NFATC1: variants seen among roughly 807,000 people sequenced by gnomAD.
NFATC1 encodes the protein nuclear factor of activated T-cells, cytoplasmic 1.
In NFATC1, 22 loss-of-function variants were observed where a neutral mutation model predicts 76.0. The ratio of observed to expected loss-of-function variants is 0.29; its 90% CI spans 0.21 to 0.41. The LOEUF (loss-of-function observed/expected upper bound fraction) is 0.41, where lower values mean the gene tolerates loss of function less well. Ranked by LOEUF, NFATC1 falls within the 10% of genes least tolerant of loss-of-function variation. NFATC1 has a pLI of 1.00. For synonymous variants in NFATC1, 704 were observed against 613.1 expected, an observed-to-expected ratio of 1.15 and a Z score of -2.19; for missense variants, 1,357 against 1,337.7, an observed-to-expected ratio of 1.01 and a Z score of -0.23.
At chr18:79,397,034 T>C (rs1304410480) in intron 1 of NFATC1, among the ~76,000 whole-genome samples, 3 of 152,154 alleles carry the variant, frequency 2.0e-5, no homozygotes, top group African/African-American at 7.2e-5. Context: ...GCTGCTTCTT[T>C]ATAGTGAAAA....
rs117391022 is a variant in NFATC1, at chr18:79,425,133, C to G, written c.1227-8446C>G. On this transcript the variant is annotated intron_variant, in intron 2 of 9. Coordinates refer to ENST00000427363, the MANE Select transcript of NFATC1 (RefSeq NM_001278669.2). The stretch of plus-strand genomic sequence containing the variant: ...TCTCTGTCGCTCTGTCTCTCTCTGT[C>G]TCTGCCTCTCTGTGTCTCTCTCCGT... Among the ~76,000 whole-genome samples, 565 of 151,538 alleles carry G rather than the reference C, an allele frequency of 3.7e-3. 7 individuals are homozygous for G. Among genetic ancestry groups the G allele is most frequent in the Middle Eastern group, 0.014 (4 of 288 alleles).
chr18:79,522,029 ATG>A (rs1420895060), intron 9 of NFATC1, among the ~76,000 whole-genome samples: 100 of 68,820 alleles, frequency 1.5e-3, no homozygotes, highest in Non-Finnish European at 2.1e-3. Flanking sequence ...GCGTCTGCTG[ATG>A]TGTGTGTTTT....
At chr18:79,409,720 C>T (rs1353194297) in intron 1 of NFATC1, among the ~76,000 whole-genome samples, 5 of 152,200 alleles carry the variant, frequency 3.3e-5, no homozygotes, top group Non-Finnish European at 7.3e-5. Flanking sequence ...ACCAACCATC[C>T]ATCCATTAAA....
At chr18:79,412,508 C>T (rs901979838) in intron 2 of NFATC1, among the ~76,000 whole-genome samples, 11 of 152,170 alleles carry the variant, frequency 7.2e-5, no homozygotes, top group Admixed American at 2.0e-4. Flanking sequence ...GGCGAGACCC[C>T]GCAGAGCGGA....
chr18:79,520,864 G>GA (rs2090527234), intron 9 of NFATC1, among the ~76,000 whole-genome samples: 1 of 105,078 alleles, frequency 9.5e-6, no homozygotes, highest in Non-Finnish European at 1.9e-5. Flanking sequence ...TATGTGTGGG[G>GA]GGGGCATCCA....
rs554074969 is a variant in NFATC1 at position 79,512,589 on chromosome 18, G to A, written c.2783-14939G>A. 1.4e-4 allele frequency among the ~76,000 whole-genome samples: 21 copies of A among 152,284 alleles called. 1 individual carries two copies. In the South Asian group the frequency reaches 3.7e-3, roughly 27 times the overall value. ...GCAGGAGGAGATGCCTGCAGTCGGC[G>A]GGCCCCTTGTGCTTCCCGTTTGCTG... is the stretch of plus-strand genomic sequence containing the variant. On this transcript the variant is annotated intron_variant, in intron 9 of 9. Coordinates refer to ENST00000427363, the MANE Select transcript of NFATC1 (RefSeq NM_001278669.2).
At chr18:79,469,649 C>G (rs541759346) in intron 8 of NFATC1, 5 of 985,810 alleles carry the variant, frequency 5.1e-6, no homozygotes, top group Non-Finnish European at 6.0e-6. Context: ...CTCCACCCCC[C>G]ATCTGCTCCA....
At chr18:79,401,238 C>T (rs1020637945) in intron 1 of NFATC1, among the ~76,000 whole-genome samples, 1 of 151,614 alleles carries the variant, frequency 6.6e-6, no homozygotes, top group Non-Finnish European at 1.5e-5. Context: ...TGTGCCCATT[C>T]TCAAGGCCTC....
intron 9 of NFATC1, among the ~76,000 whole-genome samples, chr18:79,522,875 C>T (rs1243239148): frequency 1.3e-5 from 2 of 152,194 alleles, no homozygotes; most frequent in African/African-American, 4.8e-5. Context: ...AAAGAAAAAA[C>T]ACACATCTAA....
chr18:79,414,092 C>T (rs967054708), intron 2 of NFATC1, among the ~76,000 whole-genome samples: 5 of 152,160 alleles, frequency 3.3e-5, no homozygotes, highest in Admixed American at 6.5e-5. Context: ...CAAGTGACCT[C>T]GTCAGCGGGT....
At chr18:79,475,427 G>A (rs1163031990) in intron 8 of NFATC1, among the ~76,000 whole-genome samples, 2 of 150,348 alleles carry the variant, frequency 1.3e-5, no homozygotes, top group Non-Finnish European at 3.0e-5. Flanking sequence ...TTGTAAACCC[G>A]AGGGAAGCGT....
chr18:79,474,677 G>A (rs1276373919), intron 8 of NFATC1, among the ~76,000 whole-genome samples: 1 of 145,614 alleles, frequency 6.9e-6, no homozygotes, highest in African/African-American at 2.6e-5. Flanking sequence ...AGGGAAGCGT[G>A]TTCTCACACT....
At chr18:79,467,803 G>T in intron 8 of NFATC1, 1 of 494,452 alleles carries the variant, frequency 2.0e-6, no homozygotes, top group Non-Finnish European at 2.6e-6. Flanking sequence ...GGGGGCGGGG[G>T]TTGCATACTC....
At chr18:79,400,513 G>A in intron 1 of NFATC1, 1 of 1,382,806 alleles carries the variant, frequency 7.2e-7, no homozygotes, top group Non-Finnish European at 9.3e-7. Context: ...GGGGGCGCGG[G>A]GCCAGGTCGG....
rs567071423 is a variant in NFATC1, at chr18:79,467,025, G to A, written c.1960-425G>A. ...GGGCAACCTCCACCCTCAGGCACCC[G>A]GTCCCAGTTCTGTTTACAGCTTCTC... is the stretch of plus-strand genomic sequence containing the variant. On this transcript the variant is annotated intron_variant, in intron 7 of 9. Coordinates refer to ENST00000427363, the MANE Select transcript of NFATC1 (RefSeq NM_001278669.2). Among the ~76,000 whole-genome samples the A allele has an allele frequency of 4.6e-5, 7 of 152,226 alleles. No individual in the cohort carries two copies. The East Asian group carries it at 1.2e-3, about 25-fold the overall frequency.
chr18:79,398,528 C>A (rs747077689), intron 1 of NFATC1, among the ~76,000 whole-genome samples: 1 of 152,210 alleles, frequency 6.6e-6, no homozygotes, highest in Non-Finnish European at 1.5e-5. Flanking sequence ...GGAAGCCCAG[C>A]ACTGGGGCGG....
At chr18:79,460,489 C>T (rs958609365) in intron 6 of NFATC1, among the ~76,000 whole-genome samples, 20 of 152,236 alleles carry the variant, frequency 1.3e-4, no homozygotes, top group Non-Finnish European at 2.6e-4. Flanking sequence ...TGTCCGTGTG[C>T]GCCTGGAGCC....
chr18:79,520,625 C>T (rs1355990335), intron 9 of NFATC1, among the ~76,000 whole-genome samples: 6 of 72,640 alleles, frequency 8.3e-5, no homozygotes, highest in East Asian at 4.3e-4. Flanking sequence ...GGGGGGCATC[C>T]ACTGATGTGT....
Position 79,455,739 on chromosome 18 carries a change from C to T in NFATC1, c.1903+3923C>T, listed in dbSNP as rs1282795068. On this transcript the variant is annotated intron_variant, in intron 6 of 9. Transcript: ENST00000427363. ...CAACATGGTGGGACCCCAGCTCGCC[C>T]CCCATCTCACGGCCGCCCCATCCCA... Among the ~76,000 whole-genome samples the T allele has an allele frequency of 6.6e-5, 10 of 150,952 alleles. No individual in the cohort carries two copies. In the South Asian group the frequency reaches 2.1e-3, roughly 32 times the overall value.
Sources: gnomAD v4.1 joint callset for allele counts (sites outside exome capture counted in the v4.1 genomes callset) on GRCh38, gnomAD v4.1.1 for gene constraint, MANE v1.5 for transcripts, NCBI Gene and HGNC (gene_info 2026-07-23, HGNC 2026-07-21) for gene names.